The following GRIP1 variants were observed in gnomAD, a reference collection of about 807,000 sequenced individuals.
The protein encoded by GRIP1 is glutamate receptor-interacting protein 1.
In GRIP1, 45 loss-of-function variants were observed where a neutral mutation model predicts 129.9. That is an observed-to-expected ratio of 0.35 (90% confidence interval 0.27 to 0.44). The LOEUF is 0.44. Ranked by LOEUF, GRIP1 falls within the 20% of genes least tolerant of loss-of-function variation. The pLI is 1.00. For missense variants in GRIP1, 1,196 were observed against 1,396.8 expected (o/e 0.86, Z 2.29); for synonymous variants, 530 against 520.8 (o/e 1.02, Z -0.24).
intron 23 of GRIP1, among the ~76,000 whole-genome samples, chr12:66,355,463 A>G (rs1170555523): frequency 6.6e-6 from 1 of 152,212 alleles, no homozygotes; most frequent in Non-Finnish European, 1.5e-5. Context: ...GCCCTCACTT[A>G]TACAGGGATA....
chr12:66,405,192 CTG>C (rs2137649944), intron 16 of GRIP1, among the ~76,000 whole-genome samples: 1 of 152,174 alleles, frequency 6.6e-6, no homozygotes, highest in Admixed American at 6.6e-5. Context: ...CAAAATAAAA[CTG>C]GAAATCATAA....
chr12:66,796,024 C>T (rs569188849), intron 1 of GRIP1, among the ~76,000 whole-genome samples: 1 of 152,244 alleles, frequency 6.6e-6, no homozygotes, highest in South Asian at 2.1e-4. Flanking sequence ...AAGATTATGA[C>T]ACACTTACTA....
chr12:66,625,136 C>T (rs1365870516), intron 1 of GRIP1, among the ~76,000 whole-genome samples: 1 of 151,924 alleles, frequency 6.6e-6, no homozygotes, highest in Non-Finnish European at 1.5e-5. Context: ...ACTTATGAAT[C>T]TGGGGACAGA....
intron 1 of GRIP1, among the ~76,000 whole-genome samples, chr12:66,897,414 T>C (rs2040768102): frequency 6.6e-6 from 1 of 152,138 alleles, no homozygotes; most frequent in Admixed American, 6.5e-5. Context: ...CCTCTGAAAA[T>C]ACAGAAAACT....
At chr12:66,393,555 T>G (rs2056676265) in intron 17 of GRIP1, among the ~76,000 whole-genome samples, 1 of 152,200 alleles carries the variant, frequency 6.6e-6, no homozygotes, top group Admixed American at 6.5e-5. Flanking sequence ...TGTTTTCAAC[T>G]GTTAGCAGGA....
At chr12:67,004,530 T>C (rs996791443) in intron 1 of GRIP1, among the ~76,000 whole-genome samples, 14 of 152,146 alleles carry the variant, frequency 9.2e-5, no homozygotes, top group African/African-American at 3.4e-4. Context: ...TAGAGTTCCA[T>C]TGTTACAAAA....
chr12:66,736,070 C>G (rs1172143144), intron 1 of GRIP1, among the ~76,000 whole-genome samples: 1 of 152,152 alleles, frequency 6.6e-6, no homozygotes, highest in Non-Finnish European at 1.5e-5. Flanking sequence ...CTGACCCCTG[C>G]ACAGTCAAAA....
intron 1 of GRIP1, among the ~76,000 whole-genome samples, chr12:66,602,858 T>C (rs2064340348): frequency 2.6e-5 from 2 of 75,766 alleles, no homozygotes; most frequent in African/African-American, 1.4e-4. Context: ...CTTTTTTTTT[T>C]TTTTTTTTTT....
At chr12:66,678,563 TC>T (rs140966990) in intron 1 of GRIP1, among the ~76,000 whole-genome samples, 4,480 of 151,996 alleles carry the variant, frequency 0.029, 93 homozygotes, top group South Asian at 0.036. Context: ...CACAATAACT[TC>T]AGCACCGGAC....
chr12:66,991,268 G>A (rs1249627008), intron 1 of GRIP1, among the ~76,000 whole-genome samples: 5 of 151,918 alleles, frequency 3.3e-5, no homozygotes, highest in South Asian at 2.1e-4. Flanking sequence ...GCAAGACTCC[G>A]TCTCAAAAAA....
At chr12:66,401,593 T>C (rs2056992364) in intron 16 of GRIP1, among the ~76,000 whole-genome samples, 1 of 41,888 alleles carries the variant, frequency 2.4e-5, no homozygotes, top group African/African-American at 1.1e-4. Context: ...AAAAAAAATA[T>C]GTGTGTATAT....
At chr12:66,580,262 A>G (rs2063322250) in intron 2 of GRIP1, among the ~76,000 whole-genome samples, 1 of 149,720 alleles carries the variant, frequency 6.7e-6, no homozygotes, top group Admixed American at 6.7e-5. Flanking sequence ...AGGAAGCACT[A>G]AACATGGAAA....
chr12:66,567,401 C>T (rs1160844771), intron 2 of GRIP1, among the ~76,000 whole-genome samples: 1 of 151,842 alleles, frequency 6.6e-6, no homozygotes. Flanking sequence ...TCTTCCAAAA[C>T]TGACCACATA....
chr12:66,998,440 G>T (rs2135672391), intron 1 of GRIP1, among the ~76,000 whole-genome samples: 1 of 152,120 alleles, frequency 6.6e-6, no homozygotes, highest in South Asian at 2.1e-4. Flanking sequence ...ATATATATTT[G>T]TTTATGCATA....
chr12:66,499,982 G>A (rs774057155), intron 7 of GRIP1, among the ~76,000 whole-genome samples: 13 of 152,092 alleles, frequency 8.5e-5, no homozygotes, highest in Non-Finnish European at 1.8e-4. Flanking sequence ...CAGCCTGGGC[G>A]ACAGAGCCAA....
chr12:66,765,454 G>GTTGCTCTA (rs2037606224), intron 1 of GRIP1, among the ~76,000 whole-genome samples: 1 of 152,200 alleles, frequency 6.6e-6, no homozygotes, highest in Non-Finnish European at 1.5e-5. Context: ...CTCTATGCAA[G>GTTGCTCTA]TGAAACAGGA....
At chr12:66,663,623 T>C (rs988883299) in intron 1 of GRIP1, among the ~76,000 whole-genome samples, 9 of 152,272 alleles carry the variant, frequency 5.9e-5, no homozygotes, top group Non-Finnish European at 1.2e-4. Flanking sequence ...GACATGTCTG[T>C]AGTTTATTTC....
intron 2 of GRIP1, among the ~76,000 whole-genome samples, chr12:66,560,866 T>G (rs530633054): frequency 9.2e-5 from 14 of 152,050 alleles, no homozygotes; most frequent in Admixed American, 3.3e-4. Context: ...AATTGATATA[T>G]CAAAGAAATA....
chr12:66,397,461 C>T (rs1372212897), intron 16 of GRIP1, among the ~76,000 whole-genome samples: 2 of 149,876 alleles, frequency 1.3e-5, no homozygotes, highest in African/African-American at 4.9e-5. Flanking sequence ...TGCAGTGAGC[C>T]AAGACTGTGC....
Sources: allele counts gnomAD v4.1 joint callset (sites outside exome capture counted in the v4.1 genomes callset), GRCh38; gene constraint gnomAD v4.1.1; transcripts MANE v1.5; gene names NCBI Gene and HGNC (gene_info 2026-07-23, HGNC 2026-07-21).